The following CREBBP variants were observed in gnomAD, a reference collection of about 807,000 sequenced individuals.
CREBBP encodes the protein CREB-binding protein.
In CREBBP, 19 loss-of-function variants were observed where a neutral mutation model predicts 265.0. That is an observed-to-expected ratio of 0.07 (90% confidence interval 0.05 to 0.11). CREBBP has a LOEUF of 0.11. CREBBP is among the 10% of genes least tolerant of loss of function. The pLI is 1.00. For missense variants in CREBBP, 2,525 were observed against 3,219.0 expected (o/e 0.78, Z 5.22); for synonymous variants, 1,457 against 1,223.7 (o/e 1.19, Z -3.98).
intron 2 of CREBBP, among the ~76,000 whole-genome samples, chr16:3,848,653 T>C (rs761468897): frequency 9.2e-5 from 14 of 152,174 alleles, no homozygotes; most frequent in Non-Finnish European, 1.9e-4. Flanking sequence ...TTGGGAATCA[T>C]TGCTTTATAC....
chr16:3,837,655 A>T (rs1260382541), intron 2 of CREBBP, among the ~76,000 whole-genome samples: 4 of 150,836 alleles, frequency 2.7e-5, no homozygotes, highest in Non-Finnish European at 5.9e-5. Flanking sequence ...ATAATAAAAA[A>T]TTTTAAAATA....
Position 3,850,924 on chromosome 16 carries a change from C to T in CREBBP, c.171G>A (p.Gly57=). The T allele has an allele frequency of 1.2e-6, 2 of 1,614,172 alleles. No homozygotes were observed. Among genetic ancestry groups the T allele is most frequent in the South Asian group, 1.1e-5 (1 of 91,080 alleles). Residue 57 remains glycine (G), a synonymous_variant, in exon 2 of 31, where the codon GGG becomes GGA. Coordinates refer to ENST00000262367, the MANE Select transcript of CREBBP (RefSeq NM_004380.3). ...TGGAAGCAGCATCTGGAACAAGGTTCCCACTGTTTAAAAGGCCTAATTCTC... is the reference window on the plus strand; with the variant it reads ...TGGAAGCAGCATCTGGAACAAGGTTTCCACTGTTTAAAAGGCCTAATTCTC... ...NGGELGLLNS[G]NLVPDAASKH... is the part of the protein sequence containing the mutation.
In CREBBP at chr16:3,731,447, A is replaced by G. The variant is rs2151317527; in HGVS notation, c.4917T>C (p.Ala1639=). 2 of 1,596,222 alleles carry G rather than the reference A, an allele frequency of 1.3e-6. No individual in the cohort carries two copies. Among genetic ancestry groups the G allele is most frequent in the Non-Finnish European group, 8.5e-7 (1 of 1,172,506 alleles). ...GGGGCAGGGTGTTGATGACAGGCCC[A>G]GCGTGCAGGTGGATCACGAAGAAGA... ...KEVFFVIHLH[A]GPVINTLPPI... Residue 1639 remains alanine (A), a synonymous_variant, in exon 30 of 31, where the codon GCT becomes GCC. Coordinates refer to ENST00000262367, the MANE Select transcript of CREBBP (RefSeq NM_004380.3). This position sits in a 1 kb window ranked among gnomAD's most constrained non-coding sequence, Gnocchi z 7.7.
chr16:3,849,429 GTGTGTGTGTGTGTGTGTGT>G (rs1567360185), intron 2 of CREBBP, among the ~76,000 whole-genome samples: 193 of 12,792 alleles, frequency 0.015, 6 homozygotes, highest in East Asian at 0.11. Context: ...GTGTGTGTGT[GTGTGTGTGTGTGTGTGTGT>G]GTGTGTGTGT....
At chr16:3,803,756 G>A (rs2053773124) in intron 3 of CREBBP, among the ~76,000 whole-genome samples, 1 of 151,888 alleles carries the variant, frequency 6.6e-6, no homozygotes, top group Non-Finnish European at 1.5e-5. Context: ...TACCTAGAAG[G>A]GGTGGGAGTT....
chr16:3,792,220 G>A lies in CREBBP; in HGVS notation c.1217-126C>T, dbSNP rs1057210000. The stretch of plus-strand genomic sequence containing the variant: ...CAAGTGTAACCATAACACAGTATAG[G>A]CAGTCCTCAACTTACAAACAGGCTG... On this transcript the variant is annotated intron_variant, in intron 4 of 30. Transcript: ENST00000262367. 1.4e-5 allele frequency: 12 copies of A among 845,610 alleles called. No homozygotes were observed. In the Admixed American group the frequency reaches 1.6e-4, roughly 11 times the overall value. The allele number at this position is 845,610 out of a possible 1,614,324, so 52.4% of individuals were successfully genotyped here.
chr16:3,875,293 C>T lies in CREBBP; in HGVS notation c.85+4539G>A, dbSNP rs534177916. On this transcript the variant is annotated intron_variant, in intron 1 of 30. Transcript: ENST00000262367. ...CCTGACGACCTTTGAATGGGGCCAC[C>T]GCTCTCACCCCTCTCAGTTATTCAA... is the stretch of plus-strand genomic sequence containing the variant. Among the ~76,000 whole-genome samples the T allele has an allele frequency of 6.6e-5, 10 of 152,296 alleles. No individual in the cohort carries two copies. In the South Asian group the frequency reaches 1.0e-3, roughly 16 times the overall value.
At chr16:3,864,466 G>A (rs975189877) in intron 1 of CREBBP, among the ~76,000 whole-genome samples, 1 of 151,562 alleles carries the variant, frequency 6.6e-6, no homozygotes, top group African/African-American at 2.4e-5. Context: ...GCAACATAGC[G>A]AAACCCGGTC....
intron 16 of CREBBP, among the ~76,000 whole-genome samples, chr16:3,762,177 C>G (rs1005492653): frequency 2.0e-5 from 3 of 152,128 alleles, no homozygotes; most frequent in Non-Finnish European, 4.4e-5. Context: ...ACAGAGGCCT[C>G]AGGACGCACA....
At chr16:3,830,977 C>T (rs1402016980) in intron 2 of CREBBP, among the ~76,000 whole-genome samples, 1 of 152,170 alleles carries the variant, frequency 6.6e-6, no homozygotes, top group Non-Finnish European at 1.5e-5. Flanking sequence ...TTAGTAGAGA[C>T]AGGTTTCACC....
intron 2 of CREBBP, among the ~76,000 whole-genome samples, chr16:3,829,054 T>C (rs1180972993): frequency 2.0e-5 from 3 of 147,070 alleles, no homozygotes; most frequent in African/African-American, 7.7e-5. Context: ...TTTTGAAAAA[T>C]GCAAAAAAAA....
intron 11 of CREBBP, 44 bp downstream of exon 11, chr16:3,777,569 T>C (rs768506478): frequency 6.3e-7 from 1 of 1,595,554 alleles, no homozygotes; most frequent in Admixed American, 1.7e-5. Context: ...TTATGGCTGT[T>C]GAATGTAAAA....
intron 1 of CREBBP, among the ~76,000 whole-genome samples, chr16:3,864,168 C>T (rs951228863): frequency 2.6e-5 from 4 of 152,312 alleles, no homozygotes; most frequent in Non-Finnish European, 5.9e-5. Flanking sequence ...CATCCAGAGA[C>T]CAGGTCCTTT....
chr16:3,746,007 C>T (rs547338468), intron 21 of CREBBP, among the ~76,000 whole-genome samples: 3 of 152,342 alleles, frequency 2.0e-5, no homozygotes, highest in East Asian at 3.9e-4. Context: ...CCCACAACCA[C>T]GGCCCACCAG....
intron 16 of CREBBP, among the ~76,000 whole-genome samples, chr16:3,765,791 G>C (rs141526927): frequency 4.3e-4 from 65 of 152,232 alleles, no homozygotes; most frequent in East Asian, 3.7e-3. Context: ...GCAGCTACAG[G>C]CATGCACTAC....
intron 5 of CREBBP, 41 bp downstream of exon 5, chr16:3,791,940 T>C (rs773752062): frequency 6.6e-7 from 1 of 1,507,514 alleles, no homozygotes; most frequent in Admixed American, 1.7e-5. Flanking sequence ...AAACAACTTC[T>C]ATTCTCATCT....
chr16:3,794,331 C>CAA (rs746656673), intron 3 of CREBBP, among the ~76,000 whole-genome samples: 1,106 of 39,654 alleles, frequency 0.028, 230 homozygotes, highest in Non-Finnish European at 0.039. Flanking sequence ...GACTCCGTCT[C>CAA]AAAAAAAAAA....
At chr16:3,807,432 A>G (rs530402470) in intron 3 of CREBBP, among the ~76,000 whole-genome samples, 1 of 152,346 alleles carries the variant, frequency 6.6e-6, no homozygotes, top group East Asian at 1.9e-4. Flanking sequence ...TTTTCAGTAA[A>G]TAGACCTAGA....
chr16:3,776,170 G>A (rs991296718), intron 11 of CREBBP, among the ~76,000 whole-genome samples: 21 of 151,568 alleles, frequency 1.4e-4, no homozygotes, highest in Admixed American at 2.6e-4. Flanking sequence ...CTCCTGCTTC[G>A]GCCTCCCAAA....
Sources: gnomAD v4.1 joint callset for allele counts (sites outside exome capture counted in the v4.1 genomes callset) on GRCh38, gnomAD v4.1.1 for gene constraint, Gnocchi (gnomAD v3.1) non-coding constraint, MANE v1.5 for transcripts, NCBI Gene and HGNC (gene_info 2026-07-23, HGNC 2026-07-21) for gene names.